The following ZNF215 variants were observed in gnomAD, a reference collection of about 807,000 sequenced individuals.
ZNF215 encodes BWSCR2-associated zinc finger protein 2.
ZNF215 carries 24 observed loss-of-function variants against 27.2 expected under a neutral mutation model. That is an observed-to-expected ratio of 0.88 (90% CI 0.64 to 1.24). The LOEUF is 1.24. ZNF215 is among the 50% of genes most tolerant of loss of function. The probability of loss-of-function intolerance (pLI) is 0.00; values close to 1 mark genes in which losing one functional copy is unlikely to be tolerated. For synonymous variants in ZNF215, 210 were observed against 204.0 expected (o/e 1.03, Z -0.25); for missense variants, 675 against 605.7 (o/e 1.11, Z -1.20).
intron 6 of ZNF215, among the ~76,000 whole-genome samples, chr11:6,955,216 T>G (rs1335153998): frequency 6.6e-6 from 1 of 152,222 alleles, no homozygotes; most frequent in Non-Finnish European, 1.5e-5. Context: ...GCACTATGAT[T>G]GCAAGTTTGC....
intron 5 of ZNF215, among the ~76,000 whole-genome samples, chr11:6,967,761 T>C (rs534651077): frequency 6.6e-6 from 1 of 152,346 alleles, no homozygotes; most frequent in South Asian, 2.1e-4. Flanking sequence ...GATGATAGTT[T>C]CTTTTGCTGT....
chr11:6,956,939 TAAG>T lies in ZNF215; in HGVS notation c.*412_*414del, dbSNP rs1166082617. On this transcript the variant is annotated 3_prime_UTR_variant, in exon 7 of 7. Transcript: ENST00000278319. ...GATATTTAATAAAACTCAGCCCTTT[TAAG>T]AAGGTCACAAGAAATCATTAGCTCA... is the stretch of plus-strand genomic sequence containing the variant. 1.3e-5 allele frequency: 13 copies of T among 991,944 alleles called. No individual in the cohort carries two copies. The East Asian group carries it at 3.3e-4, about 25-fold the overall frequency. 61.4% of individuals were successfully genotyped at this position (991,944 alleles called of 1,614,324 possible).
chr11:6,941,336 C>G (rs1044871121), intron 3 of ZNF215, among the ~76,000 whole-genome samples: 1 of 152,176 alleles, frequency 6.6e-6, no homozygotes, highest in African/African-American at 2.4e-5. Flanking sequence ...GTCCCTCTTT[C>G]TGATTCAGTA....
At chr11:6,948,629 G>A (rs1285732371) in intron 6 of ZNF215, among the ~76,000 whole-genome samples, 1 of 152,084 alleles carries the variant, frequency 6.6e-6, no homozygotes, top group East Asian at 1.9e-4. Context: ...TGAAAACAAG[G>A]AACAGTAATG....
In ZNF215 at chr11:6,932,477, C is replaced by A. The variant is rs772802819; in HGVS notation, c.205C>A (p.Leu69Ile). ...TGGGCCCCATGAAGCCCTGAGCCAACTCTGGGAGCTCTGTCTTCAATGGCT... is the reference window on the plus strand; with the variant it reads ...TGGGCCCCATGAAGCCCTGAGCCAAATCTGGGAGCTCTGTCTTCAATGGCT... Reference protein sequence around the residue: ...VSGPHEALSQLWELCLQWLRP... With the variant: ...VSGPHEALSQIWELCLQWLRP... The change falls in exon 3 of 7, where the codon CTC (leucine) becomes ATC (isoleucine). Residue 69 changes from leucine (L) to isoleucine (I), a missense_variant. Coordinates refer to ENST00000278319, the MANE Select transcript of ZNF215 (RefSeq NM_013250.4). 5 of 1,614,170 alleles carry A rather than the reference C, an allele frequency of 3.1e-6. No individual in the cohort carries two copies. The South Asian group carries it at 5.5e-5, about 18-fold the overall frequency.
At chr11:6,981,865 A>G (rs1590088750) in intron 5 of ZNF215, among the ~76,000 whole-genome samples, 1 of 152,054 alleles carries the variant, frequency 6.6e-6, no homozygotes, top group Admixed American at 6.6e-5. Context: ...TTAAATGGGG[A>G]ATCCTTTCCC....
At chr11:6,948,672 C>T (rs1381855129) in intron 6 of ZNF215, among the ~76,000 whole-genome samples, 1 of 151,806 alleles carries the variant, frequency 6.6e-6, no homozygotes, top group African/African-American at 2.4e-5. Flanking sequence ...GATTTGGTCA[C>T]CAATAAATGT....
downstream of ZNF215, among the ~76,000 whole-genome samples, chr11:6,985,156 A>G (rs1590090688): frequency 6.6e-6 from 1 of 152,188 alleles, no homozygotes; most frequent in South Asian, 2.1e-4. Flanking sequence ...TCAACAAAAT[A>G]CTAACAAACC....
chr11:6,931,530 AT>A (rs1229784997), intron 2 of ZNF215, among the ~76,000 whole-genome samples: 2 of 151,084 alleles, frequency 1.3e-5, no homozygotes, highest in African/African-American at 5.0e-5. Flanking sequence ...GCATTGCGTA[AT>A]TCTCCATAGT....
chr11:6,930,135 T>C (rs1223865774), intron 2 of ZNF215, among the ~76,000 whole-genome samples: 2 of 151,902 alleles, frequency 1.3e-5, no homozygotes, highest in Non-Finnish European at 2.9e-5. Context: ...TTTCTTTACT[T>C]TCTGGCAGTA....
downstream of ZNF215, among the ~76,000 whole-genome samples, chr11:6,959,849 C>A (rs1319786780): frequency 6.6e-6 from 1 of 152,078 alleles, no homozygotes; most frequent in Non-Finnish European, 1.5e-5. Flanking sequence ...AGTCTATTCA[C>A]ATGTGTGAGA....
chr11:6,984,756 A>G (rs1420527661), downstream of ZNF215: 1 of 152,178 alleles, frequency 6.6e-6, no homozygotes, highest in Non-Finnish European at 1.5e-5. Context: ...AAGAGGGGAA[A>G]ATTACATAAA....
At chr11:6,964,607 A>G (rs964590445) in intron 5 of ZNF215, among the ~76,000 whole-genome samples, 4 of 150,926 alleles carry the variant, frequency 2.7e-5, no homozygotes, top group Admixed American at 2.6e-4. Flanking sequence ...CTTTGTGCCT[A>G]TCCTTTCAGT....
At position 6,932,687 on chromosome 11, in the gene ZNF215, A is replaced by C. The variant is rs1226480969; in HGVS notation, c.400+15A>C. ...TGAAGATGAAGGTAAGAATATAAAG[A>C]AATTAGAGGTAAAATACTTGACCTT... On this transcript the variant is annotated intron_variant, in intron 3 of 6. Transcript: ENST00000278319. 3.2e-6 allele frequency: 5 copies of C among 1,582,262 alleles called. No homozygotes were observed. In the African/African-American group the frequency reaches 5.5e-5, roughly 17 times the overall value.
Position 6,932,228 on chromosome 11 carries a change from C to A in ZNF215, c.-45C>A, listed in dbSNP as rs1849286424. 1.9e-6 allele frequency: 3 copies of A among 1,582,496 alleles called. No homozygotes were observed. The highest frequency in any genetic ancestry group is 2.6e-6 in the Non-Finnish European group (3 of 1,164,772). On this transcript the variant is annotated 5_prime_UTR_variant, in exon 3 of 7. Transcript: ENST00000278319. ...GCTCAAGCCTGAGAATTACTGCAAT[C>A]TAGTAAGGCGGATTTGAACTACTGT...
At chr11:6,939,336 T>C (rs372910901) in intron 3 of ZNF215, among the ~76,000 whole-genome samples, 84 of 152,330 alleles carry the variant, frequency 5.5e-4, no homozygotes, top group African/African-American at 1.9e-3. Flanking sequence ...ACAATTACTT[T>C]AGTGTTGGTC....
intron 5 of ZNF215, among the ~76,000 whole-genome samples, chr11:6,971,338 C>T (rs1850714343): frequency 6.6e-6 from 1 of 152,154 alleles, no homozygotes; most frequent in African/African-American, 2.4e-5. Flanking sequence ...AGAGATTATT[C>T]TTCCTCCATG....
chr11:6,942,147 A>T (rs190082882), intron 4 of ZNF215, among the ~76,000 whole-genome samples: 5 of 152,352 alleles, frequency 3.3e-5, no homozygotes, highest in African/African-American at 1.2e-4. Flanking sequence ...ATGCACTGGA[A>T]TCTAAGCCAG....
At chr11:6,953,102 C>A in intron 6 of ZNF215, among the ~76,000 whole-genome samples, 1 of 152,138 alleles carries the variant, frequency 6.6e-6, no homozygotes, top group Admixed American at 6.5e-5. Context: ...GCCAAGAGAT[C>A]CGCTGTTAGT....
Sources: allele counts gnomAD v4.1 joint callset (sites outside exome capture counted in the v4.1 genomes callset), GRCh38; gene constraint gnomAD v4.1.1; transcripts MANE v1.5; gene names NCBI Gene and HGNC (gene_info 2026-07-23, HGNC 2026-07-21).